Variants in EMP2 observed in about 807,000 individuals in gnomAD.
EMP2 encodes epithelial membrane protein 2.
In EMP2, 19 loss-of-function variants were observed where a neutral mutation model predicts 13.7. That is an observed-to-expected ratio of 1.38 (90% confidence interval 0.97 to 2.03). The LOEUF (loss-of-function observed/expected upper bound fraction) is 2.03, where lower values mean the gene tolerates loss of function less well. Among genes scored for constraint, EMP2 ranks in the 30% most tolerant of loss-of-function variants. The pLI, the probability that EMP2 is intolerant of heterozygous loss-of-function variation, is 0.00. For synonymous variants in EMP2, 97 were observed against 84.7 expected (o/e 1.15, Z -0.80); for missense variants, 253 against 220.7 (o/e 1.15, Z -0.93).
intron 1 of EMP2, among the ~76,000 whole-genome samples, chr16:10,550,819 A>T (rs2050782075): frequency 1.3e-5 from 2 of 152,116 alleles, no homozygotes; most frequent in African/African-American, 4.8e-5. Flanking sequence ...TACTAAAAAC[A>T]CAAAAATTAG....
chr16:10,552,713 T>C (rs903668593), intron 1 of EMP2, among the ~76,000 whole-genome samples: 10 of 152,206 alleles, frequency 6.6e-5, no homozygotes, highest in Admixed American at 3.3e-4. Flanking sequence ...ATTGAAGCTT[T>C]AAAAGTGAAC....
rs1555458119 is a variant in EMP2, at chr16:10,529,944, A to AAG, written c.*2960_*2961insCT. On this transcript the variant is annotated 3_prime_UTR_variant, in exon 5 of 5. Transcript: ENST00000359543. ...AAAACTCAGTCTCAAAAAAAAAAAA[A>AAG]AAAAAGAAAAAGAAAAAAGAAAATT... The AAG allele has an allele frequency of 6.6e-6, 1 of 151,622 alleles. No homozygotes were observed. The highest frequency in any genetic ancestry group is 2.4e-5 in the African/African-American group (1 of 41,192). The allele number at this position is 151,622 out of a possible 1,614,324, so 9.4% of individuals were successfully genotyped here.
At chr16:10,570,452 C>T (rs1009263038) in intron 1 of EMP2, among the ~76,000 whole-genome samples, 1 of 152,120 alleles carries the variant, frequency 6.6e-6, no homozygotes, top group Non-Finnish European at 1.5e-5. Context: ...AGCTTGAATG[C>T]AGTGGCGTGA....
chr16:10,560,333 C>G (rs2050862472), intron 1 of EMP2, among the ~76,000 whole-genome samples: 1 of 152,204 alleles, frequency 6.6e-6, no homozygotes, highest in South Asian at 2.1e-4. Flanking sequence ...CAGCTCTTCC[C>G]ACCGCCGCAC....
chr16:10,547,677 G>T lies in EMP2; in HGVS notation c.-60C>A. 6.6e-7 allele frequency: 1 copy of T among 1,522,198 alleles called. No homozygotes were observed. Among genetic ancestry groups the T allele is most frequent in the Middle Eastern group, 1.8e-4 (1 of 5,626 alleles). 94.3% of individuals were successfully genotyped at this position (1,522,198 alleles called of 1,614,324 possible). A position where few individuals can be genotyped will look rare whatever the true frequency, so the allele number is the denominator to read the frequency against. Reference sequence around the variant, plus strand: ...ACGTTTAAAGCCCAGAGCGGGATGTGCTGAAGAGGGTAAGAAAGAGAAATT... The same window carrying T: ...ACGTTTAAAGCCCAGAGCGGGATGTTCTGAAGAGGGTAAGAAAGAGAAATT... On this transcript the variant is annotated splice_region_variant and 5_prime_UTR_variant, in exon 2 of 5. Transcript: ENST00000359543.
At chr16:10,563,189 TA>T (rs1567208703) in intron 1 of EMP2, among the ~76,000 whole-genome samples, 2 of 151,816 alleles carry the variant, frequency 1.3e-5, no homozygotes, top group Non-Finnish European at 2.9e-5. Context: ...TCCTCTTTAT[TA>T]TTATTATTAT....
At chr16:10,557,407 G>GCTGCAT (rs2050839053) in intron 1 of EMP2, among the ~76,000 whole-genome samples, 1 of 151,386 alleles carries the variant, frequency 6.6e-6, no homozygotes, top group Admixed American at 6.6e-5. Context: ...CATGCTTTAG[G>GCTGCAT]CTGCATAGGG....
intron 1 of EMP2, among the ~76,000 whole-genome samples, chr16:10,551,240 C>T (rs144929655): frequency 2.5e-3 from 379 of 152,214 alleles, no homozygotes; most frequent in Middle Eastern, 0.01. Flanking sequence ...TGGAATCATA[C>T]AATAGTGTGG....
chr16:10,562,076 C>T (rs2050875100), intron 1 of EMP2, among the ~76,000 whole-genome samples: 1 of 152,104 alleles, frequency 6.6e-6, no homozygotes, highest in Non-Finnish European at 1.5e-5. Context: ...TCTGTGAGGC[C>T]AGCATTGCCT....
intron 1 of EMP2, among the ~76,000 whole-genome samples, chr16:10,565,146 A>C (rs1201468513): frequency 6.6e-6 from 1 of 152,210 alleles, no homozygotes; most frequent in Admixed American, 6.5e-5. Context: ...TCCTCTTTGA[A>C]GAGGTGAAAG....
At chr16:10,566,579 C>G (rs1202775814) in intron 1 of EMP2, among the ~76,000 whole-genome samples, 2 of 152,186 alleles carry the variant, frequency 1.3e-5, no homozygotes, top group Non-Finnish European at 2.9e-5. Flanking sequence ...TAAAATCACC[C>G]CAGCATCATG....
At chr16:10,565,369 T>A (rs2050900567) in intron 1 of EMP2, among the ~76,000 whole-genome samples, 1 of 152,136 alleles carries the variant, frequency 6.6e-6, no homozygotes, top group South Asian at 2.1e-4. Context: ...CCTCATCCAA[T>A]CAGTTGAAGG....
rs540802206 is a variant in EMP2, at chr16:10,562,336, T to TTCTCTCTCTC, written c.-60-14669_-60-14660dup. Among the ~76,000 whole-genome samples, 611 of 124,152 alleles carry TTCTCTCTCTC rather than the reference T, an allele frequency of 4.9e-3. 4 individuals are homozygous for TTCTCTCTCTC. Among genetic ancestry groups the TTCTCTCTCTC allele is most frequent in the African/African-American group, 0.012 (360 of 31,010 alleles). 81.4% of individuals were successfully genotyped at this position (124,152 alleles called of 152,430 possible). ...AAAGCCTCAAGAAGCCTCATGCATG[T>TTCTCTCTCTC]TCTCTCTCTCTCTCTCTCTCTCTCT... On this transcript the variant is annotated intron_variant, in intron 1 of 4. Coordinates refer to ENST00000359543, the MANE Select transcript of EMP2 (RefSeq NM_001424.6).
intron 4 of EMP2, among the ~76,000 whole-genome samples, chr16:10,536,485 T>C (rs2050648056): frequency 6.6e-6 from 1 of 152,130 alleles, no homozygotes; most frequent in Non-Finnish European, 1.5e-5. Flanking sequence ...GTTTTATAAA[T>C]GGGAGTTCCC....
At chr16:10,543,011 A>G (rs1282297039) in intron 3 of EMP2, among the ~76,000 whole-genome samples, 1 of 152,104 alleles carries the variant, frequency 6.6e-6, no homozygotes, top group Non-Finnish European at 1.5e-5. Flanking sequence ...ACGCCCAGCT[A>G]ATTTTTGTAT....
At chr16:10,550,199 C>T (rs1412238300) in intron 1 of EMP2, among the ~76,000 whole-genome samples, 1 of 152,098 alleles carries the variant, frequency 6.6e-6, no homozygotes, top group African/African-American at 2.4e-5. Context: ...CATTTTCTTA[C>T]ATAACCACAC....
Position 10,567,629 on chromosome 16 carries a change from A to G in EMP2, c.-61+12920T>C, listed in dbSNP as rs550044844. ...GTCAAGTCCAAGGTGGGGCTTTAGC[A>G]GGATGGGACACTGGTTCTCTAGGAG... On this transcript the variant is annotated intron_variant, in intron 1 of 4. Coordinates refer to ENST00000359543, the MANE Select transcript of EMP2 (RefSeq NM_001424.6). Among the ~76,000 whole-genome samples, 4 of 152,302 alleles carry G rather than the reference A, an allele frequency of 2.6e-5. No individual in the cohort carries two copies. In the East Asian group the frequency reaches 7.7e-4, roughly 29 times the overall value.
At chr16:10,539,785 T>C (rs553212106) in intron 3 of EMP2, among the ~76,000 whole-genome samples, 1 of 152,222 alleles carries the variant, frequency 6.6e-6, no homozygotes, top group African/African-American at 2.4e-5. Flanking sequence ...ACGTCGGGCA[T>C]TGAGAGCGGG....
chr16:10,573,335 A>G lies in EMP2; in HGVS notation c.-61+7214T>C, dbSNP rs1596383255. 3.3e-5 allele frequency among the ~76,000 whole-genome samples: 5 copies of G among 152,260 alleles called. No individual in the cohort carries two copies. In the South Asian group the frequency reaches 8.3e-4, roughly 25 times the overall value. ...CCAAAATTCTAAAATTACAGGCCTG[A>G]GCCACCACACCTGGCCACGGTTAAC... is the stretch of plus-strand genomic sequence containing the variant. On this transcript the variant is annotated intron_variant, in intron 1 of 4. Transcript: ENST00000359543.
Sources: gnomAD v4.1 joint callset for allele counts (sites outside exome capture counted in the v4.1 genomes callset) on GRCh38, gnomAD v4.1.1 for gene constraint, MANE v1.5 for transcripts, NCBI Gene and HGNC (gene_info 2026-07-23, HGNC 2026-07-21) for gene names.